The following CDC42BPA variants were observed in gnomAD, a reference collection of about 807,000 sequenced individuals.
CDC42BPA encodes the protein serine/threonine-protein kinase MRCK alpha.
A neutral mutation model predicts 223.5 loss-of-function variants in CDC42BPA; 80 were observed. The ratio of observed to expected loss-of-function variants is 0.36; its 90% CI spans 0.30 to 0.43. The LOEUF (loss-of-function observed/expected upper bound fraction) is 0.43. Among genes scored for constraint, CDC42BPA ranks in the 20% least tolerant of loss-of-function variants. CDC42BPA has a pLI of 1.00. For missense variants in CDC42BPA, 1,743 were observed against 2,099.9 expected, an observed-to-expected ratio of 0.83 and a Z score of 3.32; for synonymous variants, 694 against 718.6, an observed-to-expected ratio of 0.97 and a Z score of 0.55.
intron 34 of CDC42BPA, among the ~76,000 whole-genome samples, chr1:227,009,563 C>T (rs1457700989): frequency 1.3e-5 from 2 of 152,116 alleles, no homozygotes; most frequent in Non-Finnish European, 2.9e-5. Context: ...CATGTGCCAC[C>T]ACATCCAACT....
At chr1:227,026,335 C>G (rs1050461979) in intron 30 of CDC42BPA, among the ~76,000 whole-genome samples, 183 bp from the exon 31 acceptor site, 1 of 152,126 alleles carries the variant, frequency 6.6e-6, no homozygotes, top group African/African-American at 2.4e-5. Flanking sequence ...AAATGAGGAA[C>G]TGGTATACCA....
chr1:227,270,409 T>C (rs936964766), intron 1 of CDC42BPA, among the ~76,000 whole-genome samples: 1 of 152,170 alleles, frequency 6.6e-6, no homozygotes, highest in Non-Finnish European at 1.5e-5. Context: ...GAGAACCACC[T>C]GATTAAAAAT....
intron 14 of CDC42BPA, among the ~76,000 whole-genome samples, chr1:227,103,604 T>C (rs1327391220): frequency 6.6e-6 from 1 of 152,036 alleles, no homozygotes; most frequent in Non-Finnish European, 1.5e-5. Flanking sequence ...CATGGGAAAA[T>C]ATACTTTTCA....
intron 18 of CDC42BPA, 110 bp downstream of exon 18, chr1:227,074,149 T>C: frequency 1.5e-6 from 2 of 1,340,582 alleles, no homozygotes; most frequent in Non-Finnish European, 2.1e-6. Context: ...AACTCTTTAG[T>C]AGGCTCAAAG....
At chr1:227,008,699 T>A (rs1160408953) in intron 34 of CDC42BPA, among the ~76,000 whole-genome samples, 1 of 152,188 alleles carries the variant, frequency 6.6e-6, no homozygotes, top group Non-Finnish European at 1.5e-5. Context: ...TTAATACCAC[T>A]TGAAAAGCTC....
Position 227,162,912 on chromosome 1 carries a change from ATG to A in CDC42BPA, c.600-2278_600-2277del, listed in dbSNP as rs1391194346. 1.0e-3 allele frequency among the ~76,000 whole-genome samples: 150 copies of A among 145,218 alleles called. 1 individual carries two copies. The South Asian group carries it at 0.011, about 11-fold the overall frequency. ...TTTCCAAACATATATGTGTGTGTAT[ATG>A]TGTGTGTTTCCAAACATATGTGTGT... On this transcript the variant is annotated intron_variant, in intron 5 of 36. Coordinates refer to ENST00000366766, the MANE Select transcript of CDC42BPA (RefSeq NM_001394014.1).
chr1:227,164,805 A>G (rs1664747135), intron 5 of CDC42BPA, among the ~76,000 whole-genome samples: 1 of 152,238 alleles, frequency 6.6e-6, no homozygotes, highest in African/African-American at 2.4e-5. Context: ...ACTCTCAATA[A>G]ATCACTAAAA....
intron 12 of CDC42BPA, among the ~76,000 whole-genome samples, chr1:227,114,245 G>A (rs550764270): frequency 2.1e-4 from 32 of 152,016 alleles, no homozygotes; most frequent in African/African-American, 5.5e-4. Flanking sequence ...CAAATAAGGC[G>A]GGGAGGAGGA....
chr1:227,287,453 T>C (rs1282443299), intron 1 of CDC42BPA, among the ~76,000 whole-genome samples: 1 of 152,186 alleles, frequency 6.6e-6, no homozygotes, highest in Non-Finnish European at 1.5e-5. Flanking sequence ...GGAATGATAA[T>C]AATTCAATTA....
chr1:227,101,788 G>A (rs1685096946), intron 14 of CDC42BPA, among the ~76,000 whole-genome samples: 1 of 152,036 alleles, frequency 6.6e-6, no homozygotes, highest in Admixed American at 6.6e-5. Context: ...GAAAAAAAAC[G>A]GTAGGTCTCT....
intron 1 of CDC42BPA, among the ~76,000 whole-genome samples, chr1:227,271,674 A>G (rs560190731): frequency 1.9e-4 from 29 of 152,288 alleles, no homozygotes; most frequent in African/African-American, 6.5e-4. Flanking sequence ...TAAGGCTGAA[A>G]TTACGAGCTT....
chr1:227,169,725 C>A (rs1665755221), intron 5 of CDC42BPA, among the ~76,000 whole-genome samples: 1 of 152,184 alleles, frequency 6.6e-6, no homozygotes, highest in African/African-American at 2.4e-5. Context: ...ATTTCATATA[C>A]CTCCATCTTC....
chr1:227,293,439 G>T (rs1455793694), intron 1 of CDC42BPA, among the ~76,000 whole-genome samples: 1 of 151,206 alleles, frequency 6.6e-6, no homozygotes, highest in Non-Finnish European at 1.5e-5. Flanking sequence ...TACAATCTGT[G>T]ACTATTATTA....
intron 2 of CDC42BPA, among the ~76,000 whole-genome samples, chr1:227,240,092 T>G: frequency 6.6e-6 from 1 of 151,942 alleles, no homozygotes; most frequent in East Asian, 1.9e-4. Context: ...AGGTAGGAAA[T>G]AAAGTCTGAT....
chr1:227,232,107 T>A (rs534023839), intron 2 of CDC42BPA, among the ~76,000 whole-genome samples: 1 of 152,248 alleles, frequency 6.6e-6, no homozygotes, highest in Non-Finnish European at 1.5e-5. Flanking sequence ...AGGGTTTTTA[T>A]GGTTTTAGGT....
At chr1:227,107,756 T>G (rs1686191628) in intron 14 of CDC42BPA, among the ~76,000 whole-genome samples, 1 of 152,152 alleles carries the variant, frequency 6.6e-6, no homozygotes, top group African/African-American at 2.4e-5. Flanking sequence ...GATTACTGAT[T>G]CAATGTCTTT....
intron 2 of CDC42BPA, among the ~76,000 whole-genome samples, chr1:227,237,726 G>A (rs1679309315): frequency 6.6e-6 from 1 of 152,184 alleles, no homozygotes; most frequent in South Asian, 2.1e-4. Flanking sequence ...TGGTTATCCA[G>A]TTGTCTCAGG....
At chr1:227,122,875 T>A (rs7538743) in intron 11 of CDC42BPA, among the ~76,000 whole-genome samples, 19,681 of 152,238 alleles carry the variant, frequency 0.13, 1,347 homozygotes, top group East Asian at 0.26. Context: ...GCAGAGCCTT[T>A]ACTTTCACTA....
intron 16 of CDC42BPA, among the ~76,000 whole-genome samples, chr1:227,091,564 A>G (rs1683086060): frequency 6.6e-6 from 1 of 152,140 alleles, no homozygotes; most frequent in South Asian, 2.1e-4. Context: ...AAATAAATCT[A>G]TTTTATTTGT....
Sources: gnomAD v4.1 joint callset for allele counts (sites outside exome capture counted in the v4.1 genomes callset) on GRCh38, gnomAD v4.1.1 for gene constraint, MANE v1.5 for transcripts, NCBI Gene and HGNC (gene_info 2026-07-23, HGNC 2026-07-21) for gene names.